The following UGT8 variants were observed in gnomAD, a reference collection of about 807,000 sequenced individuals.
The protein encoded by UGT8 is UDP glycosyltransferase 8, also known as 2-hydroxyacylsphingosine 1-beta-galactosyltransferase.
UGT8 carries 12 observed loss-of-function variants against 40.5 expected under a neutral mutation model. The ratio of observed to expected loss-of-function variants is 0.30; its 90% CI spans 0.19 to 0.48. The LOEUF (loss-of-function observed/expected upper bound fraction) is 0.48, where lower values mean the gene tolerates loss of function less well. Among genes scored for constraint, UGT8 ranks in the 20% least tolerant of loss-of-function variants. The pLI, the probability that UGT8 is intolerant of heterozygous loss-of-function variation, is 0.99. For synonymous variants in UGT8, 224 were observed against 240.4 expected, an observed-to-expected ratio of 0.93 and a Z score of 0.63; for missense variants, 513 against 648.7, an observed-to-expected ratio of 0.79 and a Z score of 2.27.
chr4:114,650,510 C>A (rs1733837273), intron 2 of UGT8, among the ~76,000 whole-genome samples: 1 of 152,084 alleles, frequency 6.6e-6, no homozygotes, highest in South Asian at 2.1e-4. Flanking sequence ...TCTATTACTG[C>A]AACTAACAAA....
chr4:114,653,023 A>G (rs939595673), intron 2 of UGT8, among the ~76,000 whole-genome samples: 6 of 152,106 alleles, frequency 3.9e-5, no homozygotes, highest in African/African-American at 1.4e-4. Context: ...CACTCATCCC[A>G]GGATTAATGT....
chr4:114,672,170 A>G (rs749097026), intron 5 of UGT8, among the ~76,000 whole-genome samples: 11 of 152,206 alleles, frequency 7.2e-5, no homozygotes, highest in East Asian at 1.9e-4. Context: ...TCAGGAAACA[A>G]TAGGTGCTGG....
chr4:114,647,036 T>C (rs1733613483), intron 2 of UGT8, among the ~76,000 whole-genome samples: 1 of 152,194 alleles, frequency 6.6e-6, no homozygotes, highest in South Asian at 2.1e-4. Flanking sequence ...TGATTCTGTT[T>C]GTAGAAGTAT....
intron 2 of UGT8, among the ~76,000 whole-genome samples, chr4:114,642,034 G>T (rs1733256153): frequency 6.6e-6 from 1 of 152,020 alleles, no homozygotes; most frequent in Non-Finnish European, 1.5e-5. Flanking sequence ...GAGGAAAGGG[G>T]GCTTATTATC....
At chr4:114,604,364 C>T (rs1372880994) in intron 1 of UGT8, among the ~76,000 whole-genome samples, 1 of 151,844 alleles carries the variant, frequency 6.6e-6, no homozygotes, top group African/African-American at 2.4e-5. Context: ...CCAAAGGCAC[C>T]TCTATACCTC....
At chr4:114,599,559 C>A (rs1208336367) in intron 1 of UGT8, among the ~76,000 whole-genome samples, 1 of 152,224 alleles carries the variant, frequency 6.6e-6, no homozygotes, top group Admixed American at 6.5e-5. Context: ...CCCGCCGTTT[C>A]CGCGTGCCCG....
intron 2 of UGT8, among the ~76,000 whole-genome samples, chr4:114,636,489 G>A (rs765475861): frequency 2.6e-5 from 4 of 152,016 alleles, no homozygotes; most frequent in Non-Finnish European, 5.9e-5. Context: ...TAATCTTTAC[G>A]CATTAGTGTT....
chr4:114,625,316 C>T (rs932483330), intron 2 of UGT8, among the ~76,000 whole-genome samples: 3 of 151,926 alleles, frequency 2.0e-5, no homozygotes, highest in South Asian at 2.1e-4. Context: ...AGTTCGAGAC[C>T]AGCCTGGACA....
intron 2 of UGT8, among the ~76,000 whole-genome samples, chr4:114,662,040 C>G (rs1031490115): frequency 2.6e-5 from 4 of 152,146 alleles, no homozygotes; most frequent in African/African-American, 9.7e-5. Flanking sequence ...CTTACATATA[C>G]TTGGTAAATG....
At chr4:114,617,755 G>A (rs887831427) in intron 1 of UGT8, among the ~76,000 whole-genome samples, 6 of 152,174 alleles carry the variant, frequency 3.9e-5, no homozygotes, top group Non-Finnish European at 8.8e-5. Flanking sequence ...TAAGAATTTG[G>A]TTAGAATTGT....
intron 5 of UGT8, among the ~76,000 whole-genome samples, chr4:114,671,878 T>A (rs752887482): frequency 5.9e-5 from 9 of 152,108 alleles, no homozygotes; most frequent in Non-Finnish European, 1.3e-4. Flanking sequence ...ATCATCAGAG[T>A]GAAAGGCAAC....
intron 4 of UGT8, chr4:114,667,729 T>C (rs1454759371): frequency 3.8e-6 from 1 of 264,718 alleles, no homozygotes; most frequent in Non-Finnish European, 5.9e-6. Flanking sequence ...AGCCAGAAAG[T>C]AGATGTCTGT....
At chr4:114,672,742 A>G (rs1271100514) in intron 5 of UGT8, among the ~76,000 whole-genome samples, 1 of 152,212 alleles carries the variant, frequency 6.6e-6, no homozygotes, top group East Asian at 1.9e-4. Context: ...ATGTATACCT[A>G]TGTAACAAAC....
At chr4:114,657,144 G>T (rs972908921) in intron 2 of UGT8, among the ~76,000 whole-genome samples, 1 of 151,632 alleles carries the variant, frequency 6.6e-6, no homozygotes. Context: ...CTATCTCGTG[G>T]TTACTTTCCA....
chr4:114,616,678 T>C (rs935212758), intron 1 of UGT8, among the ~76,000 whole-genome samples: 5 of 152,136 alleles, frequency 3.3e-5, no homozygotes, highest in Non-Finnish European at 5.9e-5. Context: ...AAATCACCCG[T>C]CTTCTGCGTC....
intron 2 of UGT8, among the ~76,000 whole-genome samples, chr4:114,635,362 A>T (rs999373359): frequency 1.3e-5 from 2 of 152,044 alleles, no homozygotes; most frequent in African/African-American, 4.8e-5. Flanking sequence ...AAAAAAAAAA[A>T]ATTCAAGCCA....
chr4:114,649,115 A>T (rs1472662376), intron 2 of UGT8, among the ~76,000 whole-genome samples: 1 of 152,166 alleles, frequency 6.6e-6, no homozygotes, highest in African/African-American at 2.4e-5. Context: ...AGCATATTGG[A>T]TATGTAATTT....
At position 114,621,159 on chromosome 4, in the gene UGT8, G is replaced by A. The variant is rs201474500; in HGVS notation, c.-2-1720G>A. Among the ~76,000 whole-genome samples the A allele has an allele frequency of 7.9e-5, 12 of 152,216 alleles. No homozygotes were observed. In the East Asian group the frequency reaches 1.5e-3, roughly 20 times the overall value. ...TTACACATATCTGTTAACATGAAAA[G>A]GTAGGAGAAGTACTGGCCCTCAAGT... On this transcript the variant is annotated intron_variant, in intron 1 of 5. Transcript: ENST00000310836.
intron 1 of UGT8, among the ~76,000 whole-genome samples, chr4:114,601,495 T>G (rs1017796270): frequency 6.6e-6 from 1 of 152,166 alleles, no homozygotes; most frequent in African/African-American, 2.4e-5. Flanking sequence ...CAAGATATAG[T>G]ATCTCATTTA....
Sources: gnomAD v4.1 joint callset for allele counts (sites outside exome capture counted in the v4.1 genomes callset) on GRCh38, gnomAD v4.1.1 for gene constraint, MANE v1.5 for transcripts, NCBI Gene and HGNC (gene_info 2026-07-23, HGNC 2026-07-21) for gene names.